Variants in BNIP5 observed in about 807,000 individuals in gnomAD.
BNIP5 encodes protein BNIP5.
A neutral mutation model predicts 67.3 loss-of-function variants in BNIP5; 61 were observed. The ratio of observed to expected loss-of-function variants is 0.91; its 90% CI spans 0.74 to 1.12. BNIP5 has a LOEUF of 1.12. Ranked by LOEUF, BNIP5 falls within the 50% of genes most tolerant of loss-of-function variation. BNIP5 has a pLI of 0.00. For synonymous variants in BNIP5, 317 were observed against 319.0 expected, an observed-to-expected ratio of 0.99 and a Z score of 0.07; for missense variants, 826 against 816.3, an observed-to-expected ratio of 1.01 and a Z score of -0.14.
chr6:36,332,585 G>C (rs1771931333), intron 1 of BNIP5, among the ~76,000 whole-genome samples: 1 of 152,128 alleles, frequency 6.6e-6, no homozygotes, highest in South Asian at 2.1e-4. Context: ...AACACGTAAG[G>C]TATCTTTGGA....
chr6:36,329,884 G>C (rs763945867), intron 2 of BNIP5, among the ~76,000 whole-genome samples, 197 bp downstream of exon 2: 6 of 149,156 alleles, frequency 4.0e-5, no homozygotes, highest in Non-Finnish European at 7.4e-5. Flanking sequence ...AAAGAAGAAG[G>C]AGGAGGAGGA....
chr6:36,317,272 A>G lies in BNIP5; in HGVS notation c.*84T>C. ...ACGTTTGTGAAGCAGGGATTGGGAC[A>G]TCACAGAGCATCTTCAGGGTCTCCT... On this transcript the variant is annotated 3_prime_UTR_variant, in exon 12 of 12. Transcript: ENST00000437635. The G allele has an allele frequency of 9.4e-7, 1 of 1,062,290 alleles. No individual in the cohort carries two copies. The highest frequency in any genetic ancestry group is 1.6e-5 in the African/African-American group (1 of 64,474). The allele number at this position is 1,062,290 out of a possible 1,614,324, so 65.8% of individuals were successfully genotyped here.
At position 36,330,625 on chromosome 6, in the gene BNIP5, C is replaced by A; in HGVS notation, c.66G>T (p.Pro22=). 6.2e-7 allele frequency: 1 copy of A among 1,608,568 alleles called. No homozygotes were observed. The highest frequency in any genetic ancestry group is 8.5e-7 in the Non-Finnish European group (1 of 1,179,944). ...ACTCCGAGCCTTTCCCGGGGGCCTG[C>A]GGCCTGTCCAGAGACCTGGCTTTCT... ...AEKKARSLDR[P]QAPGKGSESW... is the part of the protein sequence containing the mutation. The change falls in exon 2 of 12, where the codon CCG becomes CCT. Residue 22 remains proline (P), a synonymous_variant. Coordinates refer to ENST00000437635, the MANE Select transcript of BNIP5 (RefSeq NM_001010903.5).
intron 3 of BNIP5, 45 bp downstream of exon 3, chr6:36,328,553 C>A: frequency 1.7e-6 from 2 of 1,151,504 alleles, no homozygotes; most frequent in South Asian, 2.4e-5. Context: ...TCAGTAACAG[C>A]CACCTCAGCC....
intron 1 of BNIP5, among the ~76,000 whole-genome samples, chr6:36,331,286 G>A (rs1050383272): frequency 6.6e-6 from 1 of 152,206 alleles, no homozygotes; most frequent in African/African-American, 2.4e-5. Context: ...AGATCTCAGG[G>A]CTGGTCAGCC....
intron 7 of BNIP5, 60 bp downstream of exon 7, chr6:36,324,069 C>T (rs983395757): frequency 2.0e-5 from 25 of 1,275,994 alleles, no homozygotes; most frequent in Non-Finnish European, 2.8e-5. Context: ...AGTTGTTACA[C>T]CAGGCAGGGT....
chr6:36,318,298 G>A (rs914464454), intron 11 of BNIP5, among the ~76,000 whole-genome samples: 9 of 152,166 alleles, frequency 5.9e-5, no homozygotes, highest in African/African-American at 2.2e-4. Context: ...TTCATTCAGA[G>A]GCTTCTACGC....
chr6:36,316,490 A>C lies in BNIP5; in HGVS notation c.*866T>G, dbSNP rs1771518278. ...GTCATGATAAATCTACAAATCCACA[A>C]TGTCTAGGACATGAATAGTACCTCC... On this transcript the variant is annotated 3_prime_UTR_variant, in exon 12 of 12. Coordinates refer to ENST00000437635, the MANE Select transcript of BNIP5 (RefSeq NM_001010903.5). 1 of 398,472 alleles carries C rather than the reference A, an allele frequency of 2.5e-6. No individual in the cohort carries two copies. The highest frequency in any genetic ancestry group is 4.4e-6 in the Non-Finnish European group (1 of 226,078). The allele number at this position is 398,472 out of a possible 1,614,324, so 24.7% of individuals were successfully genotyped here.
Position 36,327,032 on chromosome 6 carries a change from C to T in BNIP5, c.790G>A (p.Glu264Lys), listed in dbSNP as rs1416122678. The change falls in exon 4 of 12, where the codon GAG (glutamate) becomes AAG (lysine). Residue 264 changes from glutamate (E) to lysine (K), a missense_variant and splice_region_variant. By Grantham distance (56) the Glu-to-Lys change is moderately conservative. Transcript: ENST00000437635. ...GACCTGCAAAGTTTACTCCTCACCT[C>T]TTCTTCCCACTGGTCTCCCACTCTT... ...LKRVGDQWEE[E>K]QSLASQLGVA... 6.2e-7 allele frequency: 1 copy of T among 1,613,914 alleles called. No individual in the cohort carries two copies. The highest frequency in any genetic ancestry group is 8.5e-7 in the Non-Finnish European group (1 of 1,179,760).
Position 36,319,402 on chromosome 6 carries a change from C to T in BNIP5, c.1877G>A (p.Arg626Lys). ...SHAMCILMGL[R>K]DHYNCTQFPY... Reference sequence around the variant, plus strand: ...GAACTGGGTGCAATTGTAGTGGTCTCTTAGGCCCATGAGGATGCACATGGC... The same window carrying T: ...GAACTGGGTGCAATTGTAGTGGTCTTTTAGGCCCATGAGGATGCACATGGC... The change falls in exon 11 of 12, where the codon AGA (arginine) becomes AAA (lysine). Residue 626 changes from arginine to lysine, a missense_variant. Coordinates refer to ENST00000437635, the MANE Select transcript of BNIP5 (RefSeq NM_001010903.5). 6.2e-7 allele frequency: 1 copy of T among 1,614,158 alleles called. No individual in the cohort carries two copies. Among genetic ancestry groups the T allele is most frequent in the Non-Finnish European group, 8.5e-7 (1 of 1,180,024 alleles).
At chr6:36,317,806 A>AAATGAATGAATG (rs71971570) in intron 11 of BNIP5, among the ~76,000 whole-genome samples, 1 of 151,682 alleles carries the variant, frequency 6.6e-6, no homozygotes, top group South Asian at 2.1e-4. Flanking sequence ...GCTACCAGTT[A>AAATGAATGAATG]AATGAATGAA....
intron 8 of BNIP5, 126 bp from the exon 9 acceptor site, chr6:36,322,568 C>G: frequency 9.8e-7 from 1 of 1,016,922 alleles, no homozygotes; most frequent in Non-Finnish European, 1.4e-6. Context: ...GTTTCCTGCC[C>G]CCGGCTCTGC....
In BNIP5 at chr6:36,321,770, C is replaced by T. The variant is rs188117964; in HGVS notation, c.1603+541G>A. On this transcript the variant is annotated intron_variant, in intron 9 of 11. Coordinates refer to ENST00000437635, the MANE Select transcript of BNIP5 (RefSeq NM_001010903.5). ...TCACCCAGGCTGGAGTGCAGTGGCG[C>T]GATCTCGCCTCACTGCAACCTCGGC... Among the ~76,000 whole-genome samples, 18 of 152,300 alleles carry T rather than the reference C, an allele frequency of 1.2e-4. 1 individual carries two copies. The highest frequency in any genetic ancestry group is 1.3e-4 in the Admixed American group (2 of 15,314).
At chr6:36,325,458 G>A (rs1771741144) in intron 5 of BNIP5, 44 bp from the exon 6 acceptor site, 1 of 1,573,428 alleles carries the variant, frequency 6.4e-7, no homozygotes, top group African/African-American at 1.4e-5. Context: ...GTCTGTCTGG[G>A]GCTGTTAACT....
rs77050768 is a variant in BNIP5, at chr6:36,335,075, G to A, written c.-5+1637C>T. Among the ~76,000 whole-genome samples, 1,065 of 152,292 alleles carry A rather than the reference G, an allele frequency of 7.0e-3. 9 individuals are homozygous for A. The highest frequency in any genetic ancestry group is 0.024 in the African/African-American group (983 of 41,538). Reference sequence around the variant, plus strand: ...CTGATAAGATGTGACATTTACCGGTGACATGTCCAGCAACAGCAACAAAGA... The same window carrying A: ...CTGATAAGATGTGACATTTACCGGTAACATGTCCAGCAACAGCAACAAAGA... On this transcript the variant is annotated intron_variant, in intron 1 of 11. Coordinates refer to ENST00000437635, the MANE Select transcript of BNIP5 (RefSeq NM_001010903.5).
chr6:36,329,892 G>GGAGGA (rs1271098960), intron 2 of BNIP5, among the ~76,000 whole-genome samples, 189 bp downstream of exon 2: 4 of 150,754 alleles, frequency 2.7e-5, no homozygotes, highest in African/African-American at 9.8e-5. Flanking sequence ...AGGAGGAGGA[G>GGAGGA]GAGGAGAGGA....
At chr6:36,323,193 A>C in intron 8 of BNIP5, 100 bp downstream of exon 8, 5 of 1,502,952 alleles carry the variant, frequency 3.3e-6, no homozygotes, top group Non-Finnish European at 4.5e-6. Context: ...GCAACAGTGG[A>C]CATCCTCCAC....
At chr6:36,328,897 A>G (rs1462660690) in intron 2 of BNIP5, among the ~76,000 whole-genome samples, 183 bp from the exon 3 acceptor site, 1 of 152,114 alleles carries the variant, frequency 6.6e-6, no homozygotes, top group African/African-American at 2.4e-5. Context: ...TTATTTGAGA[A>G]GAGGCTGCTT....
Position 36,319,569 on chromosome 6 carries a change from G to A in BNIP5, c.1710C>T (p.Phe570=). The change falls in exon 11 of 12, where the codon TTC becomes TTT. Residue 570 remains phenylalanine, a synonymous_variant. Transcript: ENST00000437635. Reference sequence around the variant, plus strand: ...CCAGCTTGCTGAGGGAGGAGTCCGAGAACTCGTAAAAAAACCTCTTAAAGC... The same window carrying A: ...CCAGCTTGCTGAGGGAGGAGTCCGAAAACTCGTAAAAAAACCTCTTAAAGC... ...HPSFKRFFYE[F]SDSSLSKLVA... 1 of 1,613,822 alleles carries A rather than the reference G, an allele frequency of 6.2e-7. No individual in the cohort carries two copies. The highest frequency in any genetic ancestry group is 8.5e-7 in the Non-Finnish European group (1 of 1,179,754).
Sources: gnomAD v4.1 joint callset for allele counts (sites outside exome capture counted in the v4.1 genomes callset) on GRCh38, gnomAD v4.1.1 for gene constraint, MANE v1.5 for transcripts, NCBI Gene and HGNC (gene_info 2026-07-23, HGNC 2026-07-21) for gene names.